The following DYNC1LI2 variants were observed in gnomAD, a reference collection of about 807,000 sequenced individuals.
DYNC1LI2 encodes the protein cytoplasmic dynein 1 light intermediate chain 2.
A neutral mutation model predicts 57.8 loss-of-function variants in DYNC1LI2; 19 were observed. That is an observed-to-expected ratio of 0.33 (90% confidence interval 0.23 to 0.48). The LOEUF (loss-of-function observed/expected upper bound fraction) is 0.48, where lower values mean the gene tolerates loss of function less well. DYNC1LI2 is among the 20% of genes least tolerant of loss of function. The pLI, the probability that DYNC1LI2 is intolerant of heterozygous loss-of-function variation, is 0.99. For missense variants in DYNC1LI2, 470 were observed against 604.2 expected (o/e 0.78, Z 2.33); for synonymous variants, 256 against 233.4 (o/e 1.10, Z -0.88).
chr16:66,734,015 C>CAAAT, intron 6 of DYNC1LI2: 2 of 528,400 alleles, frequency 3.8e-6, no homozygotes, highest in Non-Finnish European at 6.6e-6. Flanking sequence ...AACAAACAAA[C>CAAAT]AAATAAATGA....
At chr16:66,732,150 C>A in intron 7 of DYNC1LI2, 189 bp downstream of exon 7, 1 of 751,744 alleles carries the variant, frequency 1.3e-6, no homozygotes, top group Non-Finnish European at 2.0e-6. Context: ...AAGGCAGCAC[C>A]CCTGACCACA....
In DYNC1LI2 at chr16:66,723,584, G is replaced by GA; in HGVS notation, c.*137_*138insT. 1 of 584,134 alleles carries GA rather than the reference G, an allele frequency of 1.7e-6. No individual in the cohort carries two copies. The highest frequency in any genetic ancestry group is 2.9e-6 in the Non-Finnish European group (1 of 344,632). 36.2% of individuals were successfully genotyped at this position (584,134 alleles called of 1,614,324 possible). A position where few individuals can be genotyped will look rare whatever the true frequency, so the allele number is the denominator to read the frequency against. On this transcript the variant is annotated 3_prime_UTR_variant, in exon 13 of 13. Transcript: ENST00000258198. Reference sequence around the variant, plus strand: ...TTTCACACTCGGACAAGCCAATGAAGTTTTTTTTTTTTTTTTAAAGTTCAT... The same window carrying GA: ...TTTCACACTCGGACAAGCCAATGAAGATTTTTTTTTTTTTTTTAAAGTTCAT...
At chr16:66,744,557 T>G (rs2017901107) in intron 3 of DYNC1LI2, among the ~76,000 whole-genome samples, 1 of 151,780 alleles carries the variant, frequency 6.6e-6, no homozygotes, top group African/African-American at 2.4e-5. Context: ...TTATTTGAGA[T>G]GGAGTCTCAC....
rs2017494025 is a variant in DYNC1LI2, at chr16:66,723,955, GC to G, written c.1379-134del. 9.2e-6 allele frequency: 7 copies of G among 757,764 alleles called. No individual in the cohort carries two copies. The East Asian group carries it at 1.9e-4, about 21-fold the overall frequency. The allele number at this position is 757,764 out of a possible 1,614,324, so 46.9% of individuals were successfully genotyped here. A position where few individuals can be genotyped will look rare whatever the true frequency, so the allele number is the denominator to read the frequency against. On this transcript the variant is annotated intron_variant, in intron 12 of 12. Transcript: ENST00000258198. ...AGTAACCTTAATAAGAATGAGGAAAGCCCTTTTCTACTGCAGTGGTGAGGAG... is the reference window on the plus strand; with the variant it reads ...AGTAACCTTAATAAGAATGAGGAAAGCCTTTTCTACTGCAGTGGTGAGGAG...
intron 3 of DYNC1LI2, among the ~76,000 whole-genome samples, chr16:66,748,640 T>G (rs2017984047): frequency 6.6e-6 from 1 of 152,160 alleles, no homozygotes; most frequent in Admixed American, 6.5e-5. Flanking sequence ...CACAGCTCAC[T>G]GCAGTCCCCA....
intron 12 of DYNC1LI2, among the ~76,000 whole-genome samples, chr16:66,724,066 C>A (rs575726590): frequency 6.6e-6 from 1 of 152,028 alleles, no homozygotes; most frequent in African/African-American, 2.4e-5. Flanking sequence ...TGCTCTCTGG[C>A]GGGGGGTGCC....
chr16:66,734,450 G>C (rs1008666759), intron 5 of DYNC1LI2, 139 bp from the exon 6 acceptor site: 42 of 773,074 alleles, frequency 5.4e-5, no homozygotes, highest in Non-Finnish European at 4.2e-5. Flanking sequence ...TTAGAGAAGA[G>C]TAAAAAAGAA....
rs1187597524 is a variant in DYNC1LI2 at position 66,721,065 on chromosome 16, C to T, written c.*2657G>A. The T allele has an allele frequency of 1.3e-5, 2 of 152,588 alleles. No homozygotes were observed. The highest frequency in any genetic ancestry group is 2.1e-4 in the South Asian group (1 of 4,832). The allele number at this position is 152,588 out of a possible 1,614,324, so 9.5% of individuals were successfully genotyped here. A position where few individuals can be genotyped will look rare whatever the true frequency, so the allele number is the denominator to read the frequency against. ...CAGTCTTACTTTTAAGTTAGAAACA[C>T]CAATAAATTTAGTATACAGACGACA... On this transcript the variant is annotated 3_prime_UTR_variant, in exon 13 of 13. Coordinates refer to ENST00000258198, the MANE Select transcript of DYNC1LI2 (RefSeq NM_006141.3).
chr16:66,732,305 AAG>A lies in DYNC1LI2; in HGVS notation c.929+32_929+33del, dbSNP rs1429468959. The A allele has an allele frequency of 1.9e-6, 3 of 1,600,002 alleles. No homozygotes were observed. In the Admixed American group the frequency reaches 5.3e-5, roughly 28 times the overall value. Reference sequence around the variant, plus strand: ...TAAAAAGCAAATGTACTTTAAAAAGAAGAGTTTCAAAGCATCAGCTCAAAATA... The same window carrying A: ...TAAAAAGCAAATGTACTTTAAAAAGAAGTTTCAAAGCATCAGCTCAAAATA... On this transcript the variant is annotated intron_variant, in intron 7 of 12. Transcript: ENST00000258198.
chr16:66,749,115 G>T, intron 3 of DYNC1LI2, 82 bp downstream of exon 3: 1 of 1,316,242 alleles, frequency 7.6e-7, no homozygotes, highest in African/African-American at 1.5e-5. Flanking sequence ...AGAATGCCTG[G>T]CCATGCTGCA....
Position 66,734,236 on chromosome 16 carries a change from G to A in DYNC1LI2, c.775C>T (p.Arg259Trp). The A allele has an allele frequency of 3.1e-6, 5 of 1,614,114 alleles. No individual in the cohort carries two copies. Among genetic ancestry groups the A allele is most frequent in the East Asian group, 2.2e-5 (1 of 44,878 alleles). Residue 259 changes from arginine (R) to tryptophan (W), a missense_variant, in exon 6 of 13, where the codon CGG (arginine) becomes TGG (tryptophan). Transcript: ENST00000258198. ...AGGATACACTGAAGGCAGAACCTCC[G>A]CAGGTGTGACTGGATAAAGTCCAAA... ...EHLDFIQSHL[R>W]RFCLQYGAAL... is the part of the protein sequence containing the mutation.
intron 10 of DYNC1LI2, 83 bp downstream of exon 10, chr16:66,728,118 T>C (rs186552584): frequency 2.2e-4 from 339 of 1,565,718 alleles, no homozygotes; most frequent in Admixed American, 1.5e-3. Flanking sequence ...CACACAAATA[T>C]ACGCTCTCAC....
intron 3 of DYNC1LI2, among the ~76,000 whole-genome samples, 189 bp downstream of exon 3, chr16:66,749,008 T>C (rs892141433): frequency 2.0e-5 from 3 of 152,210 alleles, no homozygotes; most frequent in Non-Finnish European, 2.9e-5. Context: ...CATTCCCCAA[T>C]TTTGCTAACA....
In DYNC1LI2 at chr16:66,721,973, C is replaced by T. The variant is rs1192803199; in HGVS notation, c.*1749G>A. On this transcript the variant is annotated 3_prime_UTR_variant, in exon 13 of 13. Coordinates refer to ENST00000258198, the MANE Select transcript of DYNC1LI2 (RefSeq NM_006141.3). Reference sequence around the variant, plus strand: ...TATCATTCTACAGTCAGTTTACTGTCATTACCTAGACAACCTGGTAACTGG... The same window carrying T: ...TATCATTCTACAGTCAGTTTACTGTTATTACCTAGACAACCTGGTAACTGG... 2 of 152,352 alleles carry T rather than the reference C, an allele frequency of 1.3e-5. No homozygotes were observed. The highest frequency in any genetic ancestry group is 6.6e-5 in the Admixed American group (1 of 15,258). 9.4% of individuals were successfully genotyped at this position (152,352 alleles called of 1,614,324 possible).
intron 2 of DYNC1LI2, among the ~76,000 whole-genome samples, chr16:66,750,341 G>T (rs2018021058): frequency 1.3e-5 from 2 of 152,234 alleles, no homozygotes; most frequent in South Asian, 4.1e-4. Context: ...ATGGAGGTGA[G>T]ATAAAAGCCA....
At chr16:66,746,044 G>A (rs534240606) in intron 3 of DYNC1LI2, among the ~76,000 whole-genome samples, 1 of 152,020 alleles carries the variant, frequency 6.6e-6, no homozygotes, top group South Asian at 2.1e-4. Flanking sequence ...TTATATTCAT[G>A]GCTTTGTGTC....
chr16:66,734,710 A>G (rs1251735966), intron 5 of DYNC1LI2, among the ~76,000 whole-genome samples: 1 of 151,944 alleles, frequency 6.6e-6, no homozygotes, highest in Non-Finnish European at 1.5e-5. Flanking sequence ...TAAAACCCAA[A>G]ATGTGGCCAG....
chr16:66,744,756 C>T (rs781308792), intron 3 of DYNC1LI2, among the ~76,000 whole-genome samples: 31 of 152,082 alleles, frequency 2.0e-4, no homozygotes, highest in Non-Finnish European at 2.4e-4. Flanking sequence ...GATGGGGTTT[C>T]ACCACGTTGG....
In DYNC1LI2 at chr16:66,723,818, T is replaced by C. The variant is rs534053354; in HGVS notation, c.1383A>G (p.Gln461=). ...GVQSTAKKSG[Q]KTVLSNVQEE... ...CCTGAACATTTGACAACACAGTCTT[T>C]TGTCCTGAAAAAAAAAAAAAGCAAA... Residue 461 remains glutamine, a synonymous_variant, in exon 13 of 13, where the codon CAA becomes CAG. Coordinates refer to ENST00000258198, the MANE Select transcript of DYNC1LI2 (RefSeq NM_006141.3). 125 of 1,576,542 alleles carry C rather than the reference T, an allele frequency of 7.9e-5. No individual in the cohort carries two copies. In the South Asian group the frequency reaches 1.4e-3, roughly 17 times the overall value.
Sources: allele counts gnomAD v4.1 joint callset (sites outside exome capture counted in the v4.1 genomes callset), GRCh38; gene constraint gnomAD v4.1.1; transcripts MANE v1.5; gene names NCBI Gene and HGNC (gene_info 2026-07-23, HGNC 2026-07-21).